EGFR: variants seen among roughly 807,000 people sequenced by gnomAD.
The protein encoded by EGFR is avian erythroblastic leukemia viral (v-erb-b) oncogene homolog.
A neutral mutation model predicts 143.0 loss-of-function variants in EGFR; 58 were observed. The ratio of observed to expected loss-of-function variants is 0.41; its 90% CI spans 0.33 to 0.50. The LOEUF (loss-of-function observed/expected upper bound fraction) is 0.50, where lower values mean the gene tolerates loss of function less well. EGFR is among the 20% of genes least tolerant of loss of function. The pLI, the probability that EGFR is intolerant of heterozygous loss-of-function variation, is 0.39. For synonymous variants in EGFR, 613 were observed against 594.4 expected (o/e 1.03, Z -0.45); for missense variants, 1,307 against 1,579.0 (o/e 0.83, Z 2.92).
chr7:55,029,877 A>T (rs1450148292), intron 1 of EGFR, among the ~76,000 whole-genome samples: 2 of 152,338 alleles, frequency 1.3e-5, no homozygotes, highest in African/African-American at 4.8e-5. Flanking sequence ...TGTATGCAAG[A>T]TATGTATTTA....
At chr7:55,104,514 A>G (rs547897979) in intron 1 of EGFR, among the ~76,000 whole-genome samples, 10 of 152,244 alleles carry the variant, frequency 6.6e-5, no homozygotes, top group African/African-American at 2.2e-4. Context: ...AATTAAGAAA[A>G]CCTAGAGCCT....
chr7:55,140,412 A>G (rs921451619), intron 1 of EGFR, among the ~76,000 whole-genome samples: 1 of 152,152 alleles, frequency 6.6e-6, no homozygotes. Context: ...ACGACAGCCA[A>G]TCTAGTTGGA....
intron 1 of EGFR, among the ~76,000 whole-genome samples, chr7:55,086,110 A>G (rs1332160024): frequency 2.6e-5 from 4 of 152,186 alleles, no homozygotes; most frequent in African/African-American, 4.8e-5. Flanking sequence ...TTTGTGAATT[A>G]TCTCGTGTCT....
chr7:55,078,829 G>A (rs1399132608), intron 1 of EGFR, among the ~76,000 whole-genome samples: 1 of 152,170 alleles, frequency 6.6e-6, no homozygotes, highest in Non-Finnish European at 1.5e-5. Context: ...GAGCAGTGGA[G>A]TGGCGTTGCT....
At chr7:55,168,869 G>A (rs79842417) in intron 15 of EGFR, among the ~76,000 whole-genome samples, 2,397 of 152,142 alleles carry the variant, frequency 0.016, 75 homozygotes, top group African/African-American at 0.055. Context: ...TATTTATGAC[G>A]TGCACAACAT....
Position 55,161,850 on chromosome 7 carries a change from T to C in EGFR, c.1631+219T>C, listed in dbSNP as rs3752651. On this transcript the variant is annotated intron_variant, in intron 13 of 27. Coordinates refer to ENST00000275493, the MANE Select transcript of EGFR (RefSeq NM_005228.5). Reference sequence around the variant, plus strand: ...TAGGAAATAAGCAAGTATTATTGCCTAATATAATCCAATAATTTATAGAAT... The same window carrying C: ...TAGGAAATAAGCAAGTATTATTGCCCAATATAATCCAATAATTTATAGAAT... Among the ~76,000 whole-genome samples, 23,036 of 152,250 alleles carry C rather than the reference T, an allele frequency of 0.15. 1,980 individuals carry two copies. Among genetic ancestry groups the C allele is most frequent in the Middle Eastern group, 0.22 (64 of 294 alleles).
In EGFR at chr7:55,157,757, A is replaced by G. The variant is rs1022893708; in HGVS notation, c.1298+4A>G. On this transcript the variant is annotated splice_donor_region_variant and intron_variant, in intron 11 of 27. Transcript: ENST00000275493. ...TACGCGGCAGGACCAAGCAACAGTA[A>G]GTTGACCACAGCCAAAGCCTGGTAG... 12 of 1,613,994 alleles carry G rather than the reference A, an allele frequency of 7.4e-6. No individual in the cohort carries two copies. The highest frequency in any genetic ancestry group is 1.0e-5 in the Non-Finnish European group (12 of 1,179,932).
intron 1 of EGFR, among the ~76,000 whole-genome samples, chr7:55,113,574 G>A (rs1178619270): frequency 6.6e-6 from 1 of 152,056 alleles, no homozygotes. Context: ...TTTTGTCAAT[G>A]TACCTCCTTC....
intron 3 of EGFR, 139 bp from the exon 4 acceptor site, chr7:55,146,467 T>C (rs1794765962): frequency 2.9e-6 from 4 of 1,388,472 alleles, no homozygotes; most frequent in Non-Finnish European, 4.0e-6. Context: ...CCCCGGGAAG[T>C]TCACTGGGCT....
At chr7:55,146,155 G>T (rs928956059) in intron 3 of EGFR, among the ~76,000 whole-genome samples, 7 of 151,626 alleles carry the variant, frequency 4.6e-5, no homozygotes, top group African/African-American at 1.2e-4. Context: ...GAAAAGCTCC[G>T]CCTGGGCATG....
intron 1 of EGFR, among the ~76,000 whole-genome samples, chr7:55,131,566 T>C (rs1157754677): frequency 6.6e-6 from 1 of 152,200 alleles, no homozygotes; most frequent in East Asian, 1.9e-4. Flanking sequence ...AGGGTCGGCT[T>C]AGAAACCACA....
chr7:55,197,512 C>T (rs992011545), intron 22 of EGFR, among the ~76,000 whole-genome samples: 8 of 152,104 alleles, frequency 5.3e-5, no homozygotes, highest in Non-Finnish European at 1.2e-4. Context: ...CTTTCTCTCA[C>T]CTGATTTATC....
intron 1 of EGFR, among the ~76,000 whole-genome samples, chr7:55,078,621 C>T (rs1487256116): frequency 1.3e-5 from 2 of 152,216 alleles, no homozygotes; most frequent in East Asian, 3.9e-4. Flanking sequence ...CGGGCACCAC[C>T]ACTGATCATC....
At chr7:55,165,654 G>A (rs189696602) in intron 15 of EGFR, among the ~76,000 whole-genome samples, 65 of 152,296 alleles carry the variant, frequency 4.3e-4, no homozygotes, top group Admixed American at 3.2e-3. Context: ...TCCCCGGCCG[G>A]GCCTGTGTTG....
Position 55,154,151 on chromosome 7 carries a change from C to T in EGFR, c.888C>T (p.Pro296=), listed in dbSNP as rs2128935193. Residue 296 remains proline (P), a splice_region_variant and synonymous_variant, in exon 7 of 28, where the codon CCC becomes CCT. Transcript: ENST00000275493. ...GTGCCACCTGCGTGAAGAAGTGTCC[C>T]CGTGAGTCCTCCTCTGTGGGCCCTC... The part of the protein sequence containing the change: ...SFGATCVKKC[P]RNYVVTDHGS... 6.2e-7 allele frequency: 1 copy of T among 1,614,250 alleles called. No individual in the cohort carries two copies. Among genetic ancestry groups the T allele is most frequent in the South Asian group, 1.1e-5 (1 of 91,086 alleles).
Position 55,207,161 on chromosome 7 carries a change from A to T in EGFR, c.*1544A>T. 4.3e-6 allele frequency: 1 copy of T among 232,752 alleles called. No individual in the cohort carries two copies. Among genetic ancestry groups the T allele is most frequent in the Non-Finnish European group, 8.5e-6 (1 of 117,776 alleles). 14.4% of individuals were successfully genotyped at this position (232,752 alleles called of 1,614,324 possible). ...CCCCATCCAATTTATCAAGGAAGAA[A>T]TGGTTCAGAAAATATTTTCAGCCTA... is the stretch of plus-strand genomic sequence containing the variant. On this transcript the variant is annotated 3_prime_UTR_variant, in exon 28 of 28. Coordinates refer to ENST00000275493, the MANE Select transcript of EGFR (RefSeq NM_005228.5).
At chr7:55,021,454 T>C (rs192305092) in intron 1 of EGFR, among the ~76,000 whole-genome samples, 9 of 152,362 alleles carry the variant, frequency 5.9e-5, no homozygotes, top group Non-Finnish European at 1.3e-4. Flanking sequence ...AGTTGGAGAT[T>C]TGTTCCTGAG....
At chr7:55,112,804 G>A (rs1401921139) in intron 1 of EGFR, among the ~76,000 whole-genome samples, 1 of 152,166 alleles carries the variant, frequency 6.6e-6, no homozygotes, top group Non-Finnish European at 1.5e-5. Context: ...GGTAGAGCAG[G>A]GACTGGAATC....
chr7:55,124,556 C>G (rs899484276), intron 1 of EGFR, among the ~76,000 whole-genome samples: 1 of 152,184 alleles, frequency 6.6e-6, no homozygotes, highest in Admixed American at 6.5e-5. Context: ...GCATTATCAT[C>G]ATCTGCAAGT....
Sources: gnomAD v4.1 joint callset for allele counts (sites outside exome capture counted in the v4.1 genomes callset) on GRCh38, gnomAD v4.1.1 for gene constraint, MANE v1.5 for transcripts, NCBI Gene and HGNC (gene_info 2026-07-23, HGNC 2026-07-21) for gene names.